Variants in FNDC3B observed in about 807,000 individuals in gnomAD.
FNDC3B encodes fibronectin type III domain containing 3B.
In FNDC3B, 12 loss-of-function variants were observed where a neutral mutation model predicts 151.5. The ratio of observed to expected loss-of-function variants is 0.08; its 90% CI spans 0.05 to 0.13. The LOEUF (loss-of-function observed/expected upper bound fraction) is 0.13, where lower values mean the gene tolerates loss of function less well. Among genes scored for constraint, FNDC3B ranks in the 10% least tolerant of loss-of-function variants. The pLI is 1.00. For synonymous variants in FNDC3B, 528 were observed against 549.0 expected, an observed-to-expected ratio of 0.96 and a Z score of 0.54; for missense variants, 1,214 against 1,505.3, an observed-to-expected ratio of 0.81 and a Z score of 3.20.
intron 23 of FNDC3B, among the ~76,000 whole-genome samples, chr3:172,377,485 T>C (rs1735212263): frequency 6.6e-6 from 1 of 152,224 alleles, no homozygotes; most frequent in Non-Finnish European, 1.5e-5. Flanking sequence ...TTCAAGACCC[T>C]GGGGGAAAAC....
At chr3:172,385,821 G>A (rs1735684216) in intron 25 of FNDC3B, among the ~76,000 whole-genome samples, 1 of 152,124 alleles carries the variant, frequency 6.6e-6, no homozygotes, top group Non-Finnish European at 1.5e-5. Flanking sequence ...GCCTCCCAAA[G>A]TGCTGGGATT....
intron 17 of FNDC3B, 41 bp from the exon 18 acceptor site, chr3:172,342,970 C>T (rs1733411652): frequency 8.0e-7 from 1 of 1,246,222 alleles, no homozygotes; most frequent in Non-Finnish European, 1.2e-6. Flanking sequence ...GATAAATTCA[C>T]AGTAACTAAG....
At chr3:172,156,130 A>T (rs1369189670) in intron 3 of FNDC3B, among the ~76,000 whole-genome samples, 1 of 152,168 alleles carries the variant, frequency 6.6e-6, no homozygotes, top group East Asian at 1.9e-4. Context: ...TGCATTACAG[A>T]TTTTCAGGAG....
chr3:172,345,604 T>C (rs1458014909), intron 19 of FNDC3B, among the ~76,000 whole-genome samples: 3 of 152,170 alleles, frequency 2.0e-5, no homozygotes, highest in East Asian at 1.9e-4. Flanking sequence ...CGCCGTCTTT[T>C]TTCTCTCATT....
chr3:172,052,072 CTT>C (rs1716679339), intron 1 of FNDC3B, among the ~76,000 whole-genome samples: 1 of 150,358 alleles, frequency 6.7e-6, no homozygotes. Flanking sequence ...TAAAAATAAT[CTT>C]TGTCTGTCTT....
At chr3:172,211,096 A>T (rs114114332) in intron 3 of FNDC3B, among the ~76,000 whole-genome samples, 43 of 152,260 alleles carry the variant, frequency 2.8e-4, no homozygotes, top group African/African-American at 9.6e-4. Context: ...GACAATATAC[A>T]CACACTGAAA....
chr3:172,171,990 G>A (rs756725155), intron 3 of FNDC3B, among the ~76,000 whole-genome samples: 2 of 152,094 alleles, frequency 1.3e-5, no homozygotes, highest in Non-Finnish European at 2.9e-5. Flanking sequence ...GACATTTTAA[G>A]GTTTATTATT....
intron 4 of FNDC3B, among the ~76,000 whole-genome samples, chr3:172,234,730 C>G (rs953687386): frequency 2.0e-5 from 3 of 152,178 alleles, no homozygotes; most frequent in South Asian, 4.2e-4. Context: ...TTAAATTTGC[C>G]CTTTCTATTA....
chr3:172,084,471 A>G (rs1444772755), intron 1 of FNDC3B, among the ~76,000 whole-genome samples: 1 of 129,392 alleles, frequency 7.7e-6, no homozygotes, highest in Non-Finnish European at 1.7e-5. Context: ...ATGTATATGT[A>G]TACACACACA....
chr3:172,352,709 A>C lies in FNDC3B; in HGVS notation c.2515-94A>C. On this transcript the variant is annotated intron_variant, in intron 21 of 25. Transcript: ENST00000415807. This position sits in a 1 kb window ranked among gnomAD's most constrained non-coding sequence, Gnocchi z 4.2. ...TCTACCTGCATATGTGGAAATGTGT[A>C]CTACTTTAGATTTATTTAATGGCAG... 8.1e-7 allele frequency: 1 copy of C among 1,229,404 alleles called. No homozygotes were observed. The highest frequency in any genetic ancestry group is 1.1e-6 in the Non-Finnish European group (1 of 881,860). 76.2% of individuals were successfully genotyped at this position (1,229,404 alleles called of 1,614,324 possible).
chr3:172,135,026 A>G (rs1721293849), intron 3 of FNDC3B, among the ~76,000 whole-genome samples: 1 of 152,156 alleles, frequency 6.6e-6, no homozygotes, highest in Non-Finnish European at 1.5e-5. Context: ...AAACTAGATG[A>G]AAGTCACCTA....
intron 2 of FNDC3B, among the ~76,000 whole-genome samples, chr3:172,117,821 T>G (rs1186126481): frequency 1.3e-5 from 2 of 152,228 alleles, no homozygotes; most frequent in African/African-American, 4.8e-5. Context: ...TCTTGCCTCT[T>G]TTAATTCTTC....
At chr3:172,310,293 G>A (rs1232917118) in intron 10 of FNDC3B, among the ~76,000 whole-genome samples, 2 of 152,182 alleles carry the variant, frequency 1.3e-5, no homozygotes, top group African/African-American at 2.4e-5. Flanking sequence ...AGGATGAATA[G>A]CCTCTAGTCA....
At chr3:172,175,921 A>G (rs972050103) in intron 3 of FNDC3B, among the ~76,000 whole-genome samples, 2 of 152,222 alleles carry the variant, frequency 1.3e-5, no homozygotes, top group Non-Finnish European at 2.9e-5. Context: ...AGTTTTATCT[A>G]TAGAATGTTT....
In FNDC3B at chr3:172,189,624, G is replaced by A. The variant is rs529354302; in HGVS notation, c.188-37247G>A. On this transcript the variant is annotated intron_variant, in intron 3 of 25. Coordinates refer to ENST00000415807, the MANE Select transcript of FNDC3B (RefSeq NM_022763.4). ...AGCCCAGGAGTTTGACACCAGCCTGGGCAACATGGTGACACTCTGTCTATA... is the reference window on the plus strand; with the variant it reads ...AGCCCAGGAGTTTGACACCAGCCTGAGCAACATGGTGACACTCTGTCTATA... 2.6e-5 allele frequency among the ~76,000 whole-genome samples: 4 copies of A among 151,958 alleles called. No homozygotes were observed. The East Asian group carries it at 7.7e-4, about 29-fold the overall frequency.
intron 19 of FNDC3B, among the ~76,000 whole-genome samples, chr3:172,345,539 T>TC (rs1320583413): frequency 6.6e-6 from 1 of 152,066 alleles, no homozygotes; most frequent in Non-Finnish European, 1.5e-5. Context: ...CTTCCCCAAC[T>TC]CCCCAGCATC....
At chr3:172,039,984 G>A (rs560775350) in intron 1 of FNDC3B, among the ~76,000 whole-genome samples, 90 of 152,306 alleles carry the variant, frequency 5.9e-4, no homozygotes, top group Non-Finnish European at 4.6e-4. Flanking sequence ...GGACCCGGGA[G>A]GGGGCGGCCC....
chr3:172,072,171 A>G (rs559210133), intron 1 of FNDC3B, among the ~76,000 whole-genome samples: 1 of 148,794 alleles, frequency 6.7e-6, no homozygotes, highest in African/African-American at 2.5e-5. Flanking sequence ...CATTAGTCAC[A>G]TGTGGCTGTT....
intron 11 of FNDC3B, among the ~76,000 whole-genome samples, chr3:172,325,780 G>C (rs1226612011): frequency 2.6e-5 from 4 of 152,174 alleles, no homozygotes; most frequent in Admixed American, 2.6e-4. Flanking sequence ...TTGTACTGCA[G>C]TGACTTTTGT....
Sources: allele counts gnomAD v4.1 joint callset (sites outside exome capture counted in the v4.1 genomes callset), GRCh38; gene constraint gnomAD v4.1.1; non-coding constraint Gnocchi (gnomAD v3.1); transcripts MANE v1.5; gene names NCBI Gene and HGNC (gene_info 2026-07-23, HGNC 2026-07-21).